Variants in ARHGEF3 observed in about 807,000 individuals in gnomAD.
The protein encoded by ARHGEF3 is 59.8 kDA protein.
Under a neutral mutation model 63.2 loss-of-function variants are expected in ARHGEF3, and 28 were observed. The observed-to-expected ratio is 0.44, with a 90% CI of 0.33 to 0.61. The LOEUF (loss-of-function observed/expected upper bound fraction) is 0.61, where lower values mean the gene tolerates loss of function less well. ARHGEF3 is among the 20% of genes least tolerant of loss of function. ARHGEF3 has a pLI of 0.03. For synonymous variants in ARHGEF3, 266 were observed against 254.2 expected, an observed-to-expected ratio of 1.05 and a Z score of -0.44; for missense variants, 533 against 659.3, an observed-to-expected ratio of 0.81 and a Z score of 2.10.
intron 1 of ARHGEF3, among the ~76,000 whole-genome samples, chr3:57,063,782 T>C (rs1705369970): frequency 6.6e-6 from 1 of 152,024 alleles, no homozygotes; most frequent in Admixed American, 6.6e-5. Context: ...CTGTAGACCT[T>C]GGTAAGAGAT....
At chr3:57,040,882 G>C (rs950130879) in intron 1 of ARHGEF3, among the ~76,000 whole-genome samples, 1 of 120,340 alleles carries the variant, frequency 8.3e-6, no homozygotes, top group South Asian at 3.2e-4. Context: ...ACAGTGCCCT[G>C]CTGCTGCACA....
chr3:56,898,022 G>C (rs2041367242), intron 3 of ARHGEF3, among the ~76,000 whole-genome samples: 1 of 151,930 alleles, frequency 6.6e-6, no homozygotes, highest in African/African-American at 2.4e-5. Context: ...TGGGACTACA[G>C]GTGCACACCA....
intron 4 of ARHGEF3, among the ~76,000 whole-genome samples, chr3:56,838,258 G>A (rs1167130237): frequency 6.6e-6 from 1 of 152,050 alleles, no homozygotes; most frequent in Non-Finnish European, 1.5e-5. Context: ...ATTTTACATA[G>A]ATCAATGTTT....
At chr3:57,034,977 G>C in intron 2 of ARHGEF3, 1 of 866,708 alleles carries the variant, frequency 1.2e-6, no homozygotes, top group East Asian at 2.7e-5. Context: ...CCAAATTCTT[G>C]ATGGCCTCTA....
intron 1 of ARHGEF3, among the ~76,000 whole-genome samples, chr3:57,040,501 A>AGAAAAG (rs1704140059): frequency 3.7e-5 from 5 of 134,704 alleles, no homozygotes; most frequent in African/African-American, 8.2e-5. Context: ...AAAGAAAAGA[A>AGAAAAG]AATACCAAAA....
At chr3:56,808,782 G>C (rs2037959313) in intron 4 of ARHGEF3, among the ~76,000 whole-genome samples, 1 of 152,148 alleles carries the variant, frequency 6.6e-6, no homozygotes, top group Admixed American at 6.5e-5. Flanking sequence ...ATTTGGCACT[G>C]TCTGGATGTA....
intron 3 of ARHGEF3, chr3:56,898,629 C>T: frequency 3.7e-6 from 1 of 269,652 alleles, no homozygotes. Context: ...TGGGGTGATC[C>T]CTGGAAGAAC....
chr3:56,750,710 A>C (rs970782537), intron 6 of ARHGEF3, among the ~76,000 whole-genome samples: 2 of 150,320 alleles, frequency 1.3e-5, no homozygotes, highest in Admixed American at 6.6e-5. Flanking sequence ...TATGTCAATA[A>C]ATTTTTATTG....
intron 1 of ARHGEF3, among the ~76,000 whole-genome samples, chr3:57,050,500 AAGAG>A (rs909381120): frequency 6.6e-6 from 1 of 151,698 alleles, no homozygotes; most frequent in African/African-American, 2.4e-5. Context: ...GAAAGAGAGA[AAGAG>A]AGAGAACTGG....
chr3:56,750,225 C>A (rs1451898994), intron 6 of ARHGEF3, among the ~76,000 whole-genome samples: 1 of 151,080 alleles, frequency 6.6e-6, no homozygotes, highest in Non-Finnish European at 1.5e-5. Flanking sequence ...TTCAAGCACT[C>A]ACAGAAGGAA....
At chr3:56,795,068 T>C (rs2037281312) in intron 1 of ARHGEF3, among the ~76,000 whole-genome samples, 2 of 151,756 alleles carry the variant, frequency 1.3e-5, no homozygotes, top group Non-Finnish European at 2.9e-5. Context: ...TCTCGCTGTG[T>C]TGCCCAGAAT....
At chr3:56,986,877 C>T (rs1640428712) in intron 2 of ARHGEF3, among the ~76,000 whole-genome samples, 1 of 125,326 alleles carries the variant, frequency 8.0e-6, no homozygotes, top group South Asian at 2.4e-4. Context: ...TAATGATGGT[C>T]CATGGATATT....
At chr3:57,017,220 A>G (rs1246613252) in intron 2 of ARHGEF3, among the ~76,000 whole-genome samples, 5 of 152,136 alleles carry the variant, frequency 3.3e-5, no homozygotes, top group African/African-American at 1.2e-4. Context: ...CTATGCGTGG[A>G]GTTGGCAAAT....
In ARHGEF3 at chr3:56,727,829, T is replaced by G. The variant is rs1344805047; in HGVS notation, c.*1441A>C. On this transcript the variant is annotated 3_prime_UTR_variant, in exon 10 of 10. Transcript: ENST00000296315. The stretch of plus-strand genomic sequence containing the variant: ...AAAAATAATAAAGTATATACCTTGT[T>G]TTTATATTGATATATCTTGTCACAC... 6.5e-6 allele frequency: 1 copy of G among 152,678 alleles called. No individual in the cohort carries two copies. The highest frequency in any genetic ancestry group is 1.5e-5 in the Non-Finnish European group (1 of 68,050). 9.5% of individuals were successfully genotyped at this position (152,678 alleles called of 1,614,324 possible).
intron 2 of ARHGEF3, among the ~76,000 whole-genome samples, chr3:57,026,908 T>C (rs955583132): frequency 6.6e-6 from 1 of 152,244 alleles, no homozygotes; most frequent in African/African-American, 2.4e-5. Context: ...GCAAGGTCCA[T>C]GTCTGACTGT....
chr3:56,878,270 T>A (rs2040654719), intron 4 of ARHGEF3, among the ~76,000 whole-genome samples: 1 of 152,144 alleles, frequency 6.6e-6, no homozygotes, highest in African/African-American at 2.4e-5. Flanking sequence ...CCTGAAACCA[T>A]CCTACTCATA....
At chr3:56,864,794 A>C (rs1402203353) in intron 4 of ARHGEF3, among the ~76,000 whole-genome samples, 2 of 152,212 alleles carry the variant, frequency 1.3e-5, no homozygotes, top group African/African-American at 4.8e-5. Flanking sequence ...GATCAATGCC[A>C]CTTAACATAG....
rs1579131168 is a variant in ARHGEF3 at position 57,032,833 on chromosome 3, T to C, written c.62+2255A>G. Among the ~76,000 whole-genome samples the C allele has an allele frequency of 2.6e-5, 4 of 152,058 alleles. No homozygotes were observed. The South Asian group carries it at 8.3e-4, about 32-fold the overall frequency. On this transcript the variant is annotated intron_variant, in intron 2 of 12. Coordinates refer to the ARHGEF3 transcript ENST00000338458. Reference sequence around the variant, plus strand: ...CTGGACTCTCCTGGGGGAGTATAAGTATACTCCTTGGATGCTTCTCAGAAG... The same window carrying C: ...CTGGACTCTCCTGGGGGAGTATAAGCATACTCCTTGGATGCTTCTCAGAAG...
At chr3:56,803,286 A>C (rs563624291), upstream of ARHGEF3, among the ~76,000 whole-genome samples, 2 of 152,274 alleles carry the variant, frequency 1.3e-5, no homozygotes, top group East Asian at 3.9e-4. Context: ...AAAAATACAA[A>C]AAATTAGCCA....
Sources: gnomAD v4.1 joint callset for allele counts (sites outside exome capture counted in the v4.1 genomes callset) on GRCh38, gnomAD v4.1.1 for gene constraint, MANE v1.5 for transcripts, NCBI Gene and HGNC (gene_info 2026-07-23, HGNC 2026-07-21) for gene names.